Variants in USP25 observed in about 807,000 individuals in gnomAD.
USP25 encodes ubiquitin carboxyl-terminal hydrolase 25.
A neutral mutation model predicts 158.5 loss-of-function variants in USP25; 85 were observed. The ratio of observed to expected loss-of-function variants is 0.54; its 90% CI spans 0.45 to 0.64. USP25 has a LOEUF of 0.64. USP25 is among the 30% of genes least tolerant of loss of function. USP25 has a pLI of 0.00. For synonymous variants in USP25, 464 were observed against 460.4 expected (o/e 1.01, Z -0.10); for missense variants, 1,242 against 1,327.3 (o/e 0.94, Z 1.00).
chr21:15,858,021 A>G (rs1224190186), intron 20 of USP25, among the ~76,000 whole-genome samples: 2 of 152,058 alleles, frequency 1.3e-5, no homozygotes, highest in African/African-American at 4.8e-5. Context: ...AAGTAGCTCT[A>G]ACTGGGTCTC....
At chr21:15,844,007 G>C (rs185116503) in intron 18 of USP25, among the ~76,000 whole-genome samples, 1 of 152,104 alleles carries the variant, frequency 6.6e-6, no homozygotes, top group African/African-American at 2.4e-5. Flanking sequence ...TATGGATATC[G>C]TCTTATAAGG....
chr21:15,742,255 C>T (rs1446455502), intron 1 of USP25, among the ~76,000 whole-genome samples: 1 of 151,972 alleles, frequency 6.6e-6, no homozygotes, highest in African/African-American at 2.4e-5. Flanking sequence ...GTCATTAGGT[C>T]ATCAGGGCAG....
intron 1 of USP25, among the ~76,000 whole-genome samples, chr21:15,750,918 CT>C (rs2032966373): frequency 6.6e-6 from 1 of 152,066 alleles, no homozygotes; most frequent in Non-Finnish European, 1.5e-5. Flanking sequence ...GCGCCTGGCC[CT>C]TTTTTTCTCT....
chr21:15,802,785 G>A (rs550829982), intron 6 of USP25, among the ~76,000 whole-genome samples: 2 of 151,674 alleles, frequency 1.3e-5, no homozygotes, highest in African/African-American at 4.8e-5. Flanking sequence ...CAAAGCAGAA[G>A]TAAGGAAATA....
At chr21:15,793,315 T>A (rs1028078462) in intron 5 of USP25, among the ~76,000 whole-genome samples, 4 of 151,464 alleles carry the variant, frequency 2.6e-5, no homozygotes, top group African/African-American at 9.7e-5. Flanking sequence ...TGATAAATGC[T>A]GATATAGGGA....
intron 14 of USP25, among the ~76,000 whole-genome samples, chr21:15,827,846 A>G (rs1468489663): frequency 6.9e-6 from 1 of 144,260 alleles, no homozygotes; most frequent in Non-Finnish European, 1.5e-5. Context: ...ACTCTCTTTT[A>G]TTCTTTTCTA....
chr21:15,796,243 A>T (rs1226305186), intron 5 of USP25, among the ~76,000 whole-genome samples: 1 of 151,468 alleles, frequency 6.6e-6, no homozygotes, highest in African/African-American at 2.4e-5. Context: ...TTGGGACTTG[A>T]AAAACTTAAT....
chr21:15,819,212 A>G (rs1026340988), intron 10 of USP25, among the ~76,000 whole-genome samples: 2 of 152,340 alleles, frequency 1.3e-5, no homozygotes, highest in Non-Finnish European at 2.9e-5. Context: ...ACTTATATCA[A>G]CTGTTATTGG....
chr21:15,858,902 C>T (rs1211095578), intron 20 of USP25, among the ~76,000 whole-genome samples: 1 of 151,536 alleles, frequency 6.6e-6, no homozygotes, highest in Admixed American at 6.6e-5. Flanking sequence ...TAGATTTCTC[C>T]TTCTTAATAC....
chr21:15,822,004 C>T (rs1449098709), intron 10 of USP25, among the ~76,000 whole-genome samples: 3 of 151,616 alleles, frequency 2.0e-5, no homozygotes, highest in African/African-American at 2.4e-5. Context: ...TCTATTCCTC[C>T]TGTAGTTTCA....
At chr21:15,844,759 A>AT (rs1201557150) in intron 18 of USP25, among the ~76,000 whole-genome samples, 2 of 152,152 alleles carry the variant, frequency 1.3e-5, no homozygotes, top group African/African-American at 4.8e-5. Context: ...TATTGTAAAT[A>AT]TGTTGGTATT....
At chr21:15,838,010 A>C (rs1007202386) in intron 17 of USP25, among the ~76,000 whole-genome samples, 1 of 151,354 alleles carries the variant, frequency 6.6e-6, no homozygotes, top group Non-Finnish European at 1.5e-5. Flanking sequence ...ATCTTAGCTC[A>C]CTGCCTGCCG....
intron 2 of USP25, among the ~76,000 whole-genome samples, chr21:15,764,313 T>A (rs1197682887): frequency 6.7e-6 from 1 of 150,178 alleles, no homozygotes; most frequent in Non-Finnish European, 1.5e-5. Flanking sequence ...TTTGGGGAAT[T>A]TGCTTTTTTT....
chr21:15,742,860 C>T (rs553470055), intron 1 of USP25, among the ~76,000 whole-genome samples: 4 of 152,330 alleles, frequency 2.6e-5, no homozygotes, highest in South Asian at 2.1e-4. Context: ...CCAGATCCCA[C>T]GACCACTGCC....
Position 15,864,268 on chromosome 21 carries a change from G to C in USP25, c.2548G>C (p.Ala850Pro). The C allele has an allele frequency of 1.3e-6, 2 of 1,590,034 alleles. No individual in the cohort carries two copies. The highest frequency in any genetic ancestry group is 1.7e-6 in the Non-Finnish European group (2 of 1,173,442). The change falls in exon 21 of 26, where the codon GCA becomes CCA. Residue 850 changes from alanine (A) to proline (P), a missense_variant and splice_region_variant. Ala to Pro is a conservative substitution (Grantham distance 27). Around this residue, in one of 3 missense-constraint regions of USP25, gnomAD observed 608 missense variants for 605.2 expected, o/e 1.00. Coordinates refer to ENST00000400183, the MANE Select transcript of USP25 (RefSeq NM_001283041.3). ...TTATCATTTTCATTGCATTTTCCAG[G>C]CAATTAAGTTGGAATATGCAAGGTT... ...RCGPEAGFFK[A>P]IKLEYARLVK...
chr21:15,864,406 C>G lies in USP25; in HGVS notation c.2686C>G (p.Leu896Val), dbSNP rs200542879. The G allele has an allele frequency of 2.5e-6, 4 of 1,610,286 alleles. No homozygotes were observed. The Admixed American group carries it at 5.1e-5, about 20-fold the overall frequency. The change falls in exon 21 of 26, where the codon CTA becomes GTA. Residue 896 changes from leucine (L) to valine (V), a missense_variant. This residue lies in a region of USP25 where 608 missense variants were observed against 605.2 expected (regional missense o/e 1.00). Transcript: ENST00000400183. ...APKKIIEKTL[L>V]EQFGDRNLSF... ...AAAGAAAATTATTGAGAAAACATTA[C>G]TAGAACAATTTGGAGATAGAAATTT...
intron 17 of USP25, among the ~76,000 whole-genome samples, chr21:15,842,094 G>C (rs542292388): frequency 2.0e-5 from 3 of 152,246 alleles, no homozygotes; most frequent in South Asian, 2.1e-4. Context: ...TTGGTAAAAT[G>C]CTGGCAATTT....
chr21:15,858,442 A>G (rs920836780), intron 20 of USP25, among the ~76,000 whole-genome samples: 1 of 151,640 alleles, frequency 6.6e-6, no homozygotes, highest in South Asian at 2.1e-4. Flanking sequence ...GCCTTTATGA[A>G]TAGGGTCATT....
At chr21:15,750,338 T>G (rs1221728524) in intron 1 of USP25, among the ~76,000 whole-genome samples, 2 of 151,028 alleles carry the variant, frequency 1.3e-5, no homozygotes, top group Non-Finnish European at 3.0e-5. Flanking sequence ...TTCAAGCAAT[T>G]CTTCTGTCAG....
Sources: gnomAD v4.1 joint callset for allele counts (sites outside exome capture counted in the v4.1 genomes callset) on GRCh38, gnomAD v4.1.1 for gene constraint, gnomAD v4.1.1 regional missense constraint, MANE v1.5 for transcripts, NCBI Gene and HGNC (gene_info 2026-07-23, HGNC 2026-07-21) for gene names.